SERPINI2: variants seen among roughly 807,000 people sequenced by gnomAD.
SERPINI2 encodes serpin family I member 2, also known as serpin I2.
In SERPINI2, 48 loss-of-function variants were observed where a neutral mutation model predicts 47.3. That is an observed-to-expected ratio of 1.02 (90% CI 0.81 to 1.29). The LOEUF is 1.29. SERPINI2 is among the 50% of genes most tolerant of loss of function. The probability of loss-of-function intolerance (pLI) is 0.00; values close to 1 mark genes in which losing one functional copy is unlikely to be tolerated. For synonymous variants in SERPINI2, 135 were observed against 149.3 expected, an observed-to-expected ratio of 0.90 and a Z score of 0.70; for missense variants, 448 against 456.9, an observed-to-expected ratio of 0.98 and a Z score of 0.18.
At chr3:167,472,018 G>T in intron 1 of SERPINI2, 174 bp from the exon 2 acceptor site, 1 of 530,814 alleles carries the variant, frequency 1.9e-6, no homozygotes, top group Non-Finnish European at 3.3e-6. Context: ...TAGTTCATGT[G>T]TTAATGGTAT....
Position 167,471,902 on chromosome 3 carries a change from T to C in SERPINI2, c.-10-58A>G, listed in dbSNP as rs775395874. The C allele has an allele frequency of 2.9e-6, 4 of 1,362,270 alleles. No homozygotes were observed. In the African/African-American group the frequency reaches 5.8e-5, roughly 20 times the overall value. 84.4% of individuals were successfully genotyped at this position (1,362,270 alleles called of 1,614,324 possible). Reference sequence around the variant, plus strand: ...CAAAATAGAGTTTTCCACAGAGAGCTCAACAGAAAACTTTCTACCTGTTGT... The same window carrying C: ...CAAAATAGAGTTTTCCACAGAGAGCCCAACAGAAAACTTTCTACCTGTTGT... On this transcript the variant is annotated intron_variant, in intron 1 of 8. Transcript: ENST00000264677.
At chr3:167,445,434 G>A (rs1276375243) in intron 8 of SERPINI2, among the ~76,000 whole-genome samples, 1 of 152,090 alleles carries the variant, frequency 6.6e-6, no homozygotes, top group Admixed American at 6.5e-5. Flanking sequence ...TTAACTCTAT[G>A]AGATGAGCAC....
chr3:167,449,705 G>GC (rs11373865), intron 6 of SERPINI2, among the ~76,000 whole-genome samples: 91,122 of 151,886 alleles, frequency 0.6, 29,544 homozygotes, highest in African/African-American at 0.87. Context: ...TGTTGGCCAG[G>GC]TGGTCCCGAA....
At position 167,467,271 on chromosome 3, in the gene SERPINI2, C is replaced by CA. The variant is rs755261133; in HGVS notation, c.261dup (p.Val88CysfsTer19). The CA allele has an allele frequency of 1.9e-6, 3 of 1,608,082 alleles. No homozygotes were observed. The highest frequency in any genetic ancestry group is 2.7e-5 in the African/African-American group (2 of 74,534). ...ATGGCAGAGAAAAATGACTTCAGTACAAAAAATTCTTCCCCTAGAAAATAA... is the reference window on the plus strand; with the variant it reads ...ATGGCAGAGAAAAATGACTTCAGTACAAAAAAATTCTTCCCCTAGAAAATAA... On this transcript the variant is annotated frameshift_variant, in exon 3 of 9. Coordinates refer to ENST00000264677, the Ensembl canonical transcript of SERPINI2. LOFTEE classifies it high-confidence loss of function.
intron 5 of SERPINI2, among the ~76,000 whole-genome samples, chr3:167,456,424 C>A (rs1749794588): frequency 6.6e-6 from 1 of 152,054 alleles, no homozygotes; most frequent in African/African-American, 2.4e-5. Flanking sequence ...TTACATTCAC[C>A]CACTTATAGA....
At chr3:167,455,826 G>GCA (rs1749773355) in intron 5 of SERPINI2, among the ~76,000 whole-genome samples, 1 of 152,062 alleles carries the variant, frequency 6.6e-6, no homozygotes, top group Admixed American at 6.6e-5. Context: ...AGAAACAGGG[G>GCA]GCAGGGGCTA....
chr3:167,464,667 G>A (rs919024115), intron 5 of SERPINI2, among the ~76,000 whole-genome samples: 3 of 152,118 alleles, frequency 2.0e-5, no homozygotes, highest in Non-Finnish European at 4.4e-5. Flanking sequence ...TCCCTTAGGA[G>A]CATGATGTTA....
At chr3:167,465,813 T>G in intron 3 of SERPINI2, 140 bp from the exon 4 acceptor site, 8 of 644,388 alleles carry the variant, frequency 1.2e-5, no homozygotes. Flanking sequence ...TATGGTAATT[T>G]TGAGAATAGA....
chr3:167,472,688 G>A lies in SERPINI2; in HGVS notation c.-10-844C>T, dbSNP rs117332949. On this transcript the variant is annotated intron_variant, in intron 1 of 8. Transcript: ENST00000264677. ...AGAAATACTAACAAATGTAAGAGTA[G>A]CAGCAATTAAAAACCATAAACAATT... 1.3e-3 allele frequency among the ~76,000 whole-genome samples: 203 copies of A among 151,768 alleles called. 5 individuals carry two copies. In the East Asian group the frequency reaches 0.03, roughly 23 times the overall value.
intron 8 of SERPINI2, among the ~76,000 whole-genome samples, chr3:167,442,725 C>A (rs960825252): frequency 2.6e-5 from 4 of 152,140 alleles, no homozygotes; most frequent in Admixed American, 1.3e-4. Context: ...TAGTATACAG[C>A]ATAAATGCAA....
exon 9 of SERPINI2, chr3:167,442,057 C>A: frequency 1.4e-6 from 2 of 1,398,200 alleles, no homozygotes; most frequent in Non-Finnish European, 2.0e-6. Flanking sequence ...GATATTTTGC[C>A]AATCAGCTAT....
intron 3 of SERPINI2, among the ~76,000 whole-genome samples, chr3:167,466,253 C>G (rs1177701206): frequency 6.6e-6 from 1 of 152,114 alleles, no homozygotes; most frequent in African/African-American, 2.4e-5. Context: ...TCCTCATTTC[C>G]TACAGCTGTG....
At chr3:167,452,108 T>C (rs1482340065) in intron 6 of SERPINI2, among the ~76,000 whole-genome samples, 6 of 152,204 alleles carry the variant, frequency 3.9e-5, no homozygotes, top group Non-Finnish European at 7.3e-5. Flanking sequence ...AACAACACGT[T>C]TCCAAAGCCC....
intron 8 of SERPINI2, 75 bp downstream of exon 8, chr3:167,446,317 T>A (rs1164666622): frequency 3.8e-5 from 35 of 925,420 alleles, no homozygotes; most frequent in Non-Finnish European, 5.7e-5. Flanking sequence ...TTCAGATATG[T>A]ACATTGCAAT....
chr3:167,465,176 GAACTCGTATAATAAAAT>G lies in SERPINI2; in HGVS notation c.866+13_866+29del. ...AATTCCTATGTGAGTGGAAACGTAA[GAACTCGTATAATAAAAT>G]AACATCACCAACCTAGGGAGGCTTA... On this transcript the variant is annotated intron_variant, in intron 5 of 8. Coordinates refer to ENST00000264677, the Ensembl canonical transcript of SERPINI2. The G allele has an allele frequency of 6.4e-7, 1 of 1,567,912 alleles. No homozygotes were observed. The highest frequency in any genetic ancestry group is 2.2e-5 in the East Asian group (1 of 44,506).
At chr3:167,468,708 G>T (rs1309923538) in intron 2 of SERPINI2, among the ~76,000 whole-genome samples, 1 of 152,098 alleles carries the variant, frequency 6.6e-6, no homozygotes, top group Non-Finnish European at 1.5e-5. Context: ...AGAAAGTTAA[G>T]CCATTTTACT....
chr3:167,468,670 C>A (rs567842121), intron 2 of SERPINI2, among the ~76,000 whole-genome samples: 5 of 152,076 alleles, frequency 3.3e-5, no homozygotes, highest in Non-Finnish European at 5.9e-5. Flanking sequence ...TTCTTTATAA[C>A]CCTGAAATTC....
At chr3:167,449,686 G>A (rs918143786) in intron 6 of SERPINI2, among the ~76,000 whole-genome samples, 1 of 101,856 alleles carries the variant, frequency 9.8e-6, no homozygotes, top group Non-Finnish European at 1.8e-5. Flanking sequence ...TAGAGGTGGG[G>A]TTTCGGCATG....
chr3:167,464,434 T>C (rs1750075812), intron 5 of SERPINI2, among the ~76,000 whole-genome samples: 1 of 152,112 alleles, frequency 6.6e-6, no homozygotes, highest in South Asian at 2.1e-4. Context: ...AACTAATGAC[T>C]AGATCCTGGC....
Sources: allele counts gnomAD v4.1 joint callset (sites outside exome capture counted in the v4.1 genomes callset), GRCh38; gene constraint gnomAD v4.1.1; transcripts MANE v1.5; gene names NCBI Gene and HGNC (gene_info 2026-07-23, HGNC 2026-07-21).